Variants in SMARCA5 observed in about 807,000 individuals in gnomAD.
SMARCA5 encodes SWI/SNF-related matrix-associated actin-dependent regulator of chromatin subfamily A member 5.
Under a neutral mutation model 140.4 loss-of-function variants are expected in SMARCA5, and 18 were observed. The observed-to-expected ratio is 0.13, with a 90% CI of 0.09 to 0.19. The LOEUF (loss-of-function observed/expected upper bound fraction) is 0.19. SMARCA5 is among the 10% of genes least tolerant of loss of function. The probability of loss-of-function intolerance (pLI) is 1.00; values close to 1 mark genes in which losing one functional copy is unlikely to be tolerated. For synonymous variants in SMARCA5, 449 were observed against 419.6 expected, an observed-to-expected ratio of 1.07 and a Z score of -0.86; for missense variants, 606 against 1,276.8, an observed-to-expected ratio of 0.47 and a Z score of 8.01.
intron 13 of SMARCA5, 56 bp from the exon 14 acceptor site, chr4:143,540,307 A>ATTTAT: frequency 7.1e-7 from 1 of 1,401,242 alleles, no homozygotes; most frequent in Non-Finnish European, 9.7e-7. Context: ...TACCCATTTC[A>ATTTAT]GTGTTATTTA....
At chr4:143,548,831 T>C (rs946423795) in intron 22 of SMARCA5, among the ~76,000 whole-genome samples, 17 of 152,076 alleles carry the variant, frequency 1.1e-4, no homozygotes, top group Non-Finnish European at 2.1e-4. Flanking sequence ...TGTGTTTGTT[T>C]ATAGTAAGAT....
chr4:143,555,461 A>G lies in SMARCA5; in HGVS notation c.*2277A>G. 1.9e-6 allele frequency: 1 copy of G among 537,792 alleles called. No homozygotes were observed. 33.3% of individuals were successfully genotyped at this position (537,792 alleles called of 1,614,324 possible). On this transcript the variant is annotated 3_prime_UTR_variant, in exon 24 of 24. Coordinates refer to ENST00000283131, the MANE Select transcript of SMARCA5 (RefSeq NM_003601.4). ...TTGTATAATAGTTTCTGTTCTGTGG[A>G]AAGTAAAGCATTCCAACACAGGGTT...
intron 19 of SMARCA5, 118 bp downstream of exon 19, chr4:143,546,165 G>A: frequency 1.4e-6 from 1 of 695,646 alleles, no homozygotes; most frequent in Admixed American, 3.8e-5. Context: ...AATAATTGGA[G>A]ACAATAAAGT....
Position 143,514,053 on chromosome 4 carries a change from G to C in SMARCA5, c.129G>C (p.Gln43His). The C allele has an allele frequency of 6.4e-7, 1 of 1,561,766 alleles. No individual in the cohort carries two copies. Among genetic ancestry groups the C allele is most frequent in the East Asian group, 2.4e-5 (1 of 42,422 alleles). ...GCGGCCCCGAAGGCGTCGCGGCGCA[G>C]GCGGTTGCGTCTGCGGCCAGCGCTG... Reference protein sequence around the residue: ...NKGGPEGVAAQAVASAASAGP... With the variant: ...NKGGPEGVAAHAVASAASAGP... Residue 43 changes from glutamine (Q) to histidine (H), a missense_variant, in exon 1 of 24, where the codon CAG becomes CAC. Around this residue, in one of 10 missense-constraint regions of SMARCA5, gnomAD observed 164 missense variants for 128.4 expected, o/e 1.28. Coordinates refer to ENST00000283131, the MANE Select transcript of SMARCA5 (RefSeq NM_003601.4).
chr4:143,533,398 A>G (rs1183652581), intron 9 of SMARCA5, among the ~76,000 whole-genome samples: 1 of 152,052 alleles, frequency 6.6e-6, no homozygotes, highest in East Asian at 1.9e-4. Flanking sequence ...CTGTACACTC[A>G]TGATTTATTG....
chr4:143,544,999 G>A (rs1737495184), intron 17 of SMARCA5, 152 bp downstream of exon 17: 1 of 522,030 alleles, frequency 1.9e-6, no homozygotes, highest in Non-Finnish European at 3.3e-6. Flanking sequence ...CAGGAGTTCA[G>A]TGGTGCGATC....
At chr4:143,519,230 A>G (rs973275631) in intron 2 of SMARCA5, among the ~76,000 whole-genome samples, 1 of 152,154 alleles carries the variant, frequency 6.6e-6, no homozygotes, top group South Asian at 2.1e-4. Context: ...TTTACTTAGC[A>G]TACCTTAGTG....
chr4:143,519,587 A>G (rs983370571), intron 2 of SMARCA5, among the ~76,000 whole-genome samples: 2 of 151,918 alleles, frequency 1.3e-5, no homozygotes, highest in South Asian at 4.1e-4. Flanking sequence ...GTCTCCCAGC[A>G]TTATTTCCTT....
chr4:143,543,417 T>G lies in SMARCA5; in HGVS notation c.1904-92T>G, dbSNP rs895948026. On this transcript the variant is annotated intron_variant, in intron 14 of 23. Transcript: ENST00000283131. ...GAAATGATTGACATTTGAGATAAAA[T>G]TATAAAGCATTAAACCTTACATTTA... 1.2e-5 allele frequency: 12 copies of G among 989,506 alleles called. No individual in the cohort carries two copies. The African/African-American group carries it at 1.5e-4, about 12-fold the overall frequency. The allele number at this position is 989,506 out of a possible 1,614,324, so 61.3% of individuals were successfully genotyped here. A position where few individuals can be genotyped will look rare whatever the true frequency, so the allele number is the denominator to read the frequency against.
intron 16 of SMARCA5, among the ~76,000 whole-genome samples, 168 bp from the exon 17 acceptor site, chr4:143,544,569 T>A (rs1737486063): frequency 1.3e-5 from 2 of 152,212 alleles, no homozygotes; most frequent in South Asian, 4.1e-4. Context: ...CACTGTCTCG[T>A]GTTAATTATA....
At chr4:143,515,500 C>G (rs1265419266) in intron 1 of SMARCA5, among the ~76,000 whole-genome samples, 1 of 152,038 alleles carries the variant, frequency 6.6e-6, no homozygotes, top group African/African-American at 2.4e-5. Context: ...ATGTGCAGTT[C>G]TCTACAAAAA....
At chr4:143,547,812 A>C (rs1171887135) in intron 21 of SMARCA5, 116 bp from the exon 22 acceptor site, 8 of 620,498 alleles carry the variant, frequency 1.3e-5, no homozygotes, top group Non-Finnish European at 2.8e-6. Flanking sequence ...GAAGTGCTCT[A>C]GATAGAAAAT....
At position 143,514,011 on chromosome 4, in the gene SMARCA5, C is replaced by A; in HGVS notation, c.87C>A (p.Ser29Arg). 1 of 1,550,078 alleles carries A rather than the reference C, an allele frequency of 6.5e-7. No individual in the cohort carries two copies. Among genetic ancestry groups the A allele is most frequent in the Non-Finnish European group, 8.7e-7 (1 of 1,155,118 alleles). The change falls in exon 1 of 24, where the codon AGC becomes AGA. Residue 29 changes from serine (S) to arginine (R), a missense_variant. Transcript: ENST00000283131. ...KPAASIASGG[S>R]NSSNKGGPEG... ...CAGCCTCGATCGCCAGCGGCGGGAGCAACAGCAGCAACAAAGGCGGCCCCG... is the reference window on the plus strand; with the variant it reads ...CAGCCTCGATCGCCAGCGGCGGGAGAAACAGCAGCAACAAAGGCGGCCCCG...
intron 2 of SMARCA5, among the ~76,000 whole-genome samples, chr4:143,517,647 G>T (rs1248756136): frequency 6.6e-6 from 1 of 152,148 alleles, no homozygotes; most frequent in Non-Finnish European, 1.5e-5. Flanking sequence ...TCATTATATG[G>T]AGGAAGGCCA....
chr4:143,549,885 G>T, intron 22 of SMARCA5, 112 bp from the exon 23 acceptor site: 1 of 572,370 alleles, frequency 1.7e-6, no homozygotes, highest in South Asian at 1.9e-5. Flanking sequence ...TTTAAATCAG[G>T]GGTGTATTAG....
intron 9 of SMARCA5, 133 bp from the exon 10 acceptor site, chr4:143,534,722 A>G: frequency 1.7e-6 from 1 of 589,586 alleles, no homozygotes; most frequent in Non-Finnish European, 2.9e-6. Flanking sequence ...TTGCAGGGAG[A>G]AGTCCTAAGA....
At chr4:143,517,475 T>A in intron 2 of SMARCA5, 46 bp downstream of exon 2, 1 of 1,212,884 alleles carries the variant, frequency 8.2e-7, no homozygotes, top group Non-Finnish European at 1.2e-6. Flanking sequence ...AAACTTTTTA[T>A]CAGGTGATTA....
In SMARCA5 at chr4:143,555,884, C is replaced by T. The variant is rs1578809645; in HGVS notation, c.*2700C>T. On this transcript the variant is annotated 3_prime_UTR_variant, in exon 24 of 24. Coordinates refer to ENST00000283131, the MANE Select transcript of SMARCA5 (RefSeq NM_003601.4). Reference sequence around the variant, plus strand: ...GTCTCAAACGCCGACTTCAGGCAATCCTCTTGCGTCAACCTCTCAAAGTGC... The same window carrying T: ...GTCTCAAACGCCGACTTCAGGCAATTCTCTTGCGTCAACCTCTCAAAGTGC... The T allele has an allele frequency of 6.5e-6, 1 of 153,438 alleles. No individual in the cohort carries two copies. The highest frequency in any genetic ancestry group is 2.4e-5 in the African/African-American group (1 of 41,434). The allele number at this position is 153,438 out of a possible 1,614,324, so 9.5% of individuals were successfully genotyped here.
In SMARCA5 at chr4:143,530,439, T is replaced by A. The variant is rs762718645; in HGVS notation, c.1090-19T>A. 5 of 1,577,200 alleles carry A rather than the reference T, an allele frequency of 3.2e-6. No homozygotes were observed. In the African/African-American group the frequency reaches 6.8e-5, roughly 21 times the overall value. ...AATATTATCTCTGATCTGAGTATAT[T>A]TTTTGTTTGTTTATCTAGGACTTTG... On this transcript the variant is annotated intron_variant, in intron 8 of 23. Coordinates refer to ENST00000283131, the MANE Select transcript of SMARCA5 (RefSeq NM_003601.4).
Sources: allele counts gnomAD v4.1 joint callset (sites outside exome capture counted in the v4.1 genomes callset), GRCh38; gene constraint gnomAD v4.1.1; regional missense constraint gnomAD v4.1.1; transcripts MANE v1.5; gene names NCBI Gene and HGNC (gene_info 2026-07-23, HGNC 2026-07-21).